The following GRIK1 variants were observed in gnomAD, a reference collection of about 807,000 sequenced individuals.
GRIK1 encodes glutamate ionotropic receptor kainate type subunit 1.
Under a neutral mutation model 105.7 loss-of-function variants are expected in GRIK1, and 69 were observed. The ratio of observed to expected loss-of-function variants is 0.65; its 90% CI spans 0.54 to 0.80. The LOEUF is 0.80. GRIK1 is among the 30% of genes least tolerant of loss of function. The pLI is 0.00. For synonymous variants in GRIK1, 438 were observed against 431.3 expected, an observed-to-expected ratio of 1.02 and a Z score of -0.19; for missense variants, 1,109 against 1,167.3, an observed-to-expected ratio of 0.95 and a Z score of 0.73.
intron 1 of GRIK1, among the ~76,000 whole-genome samples, chr21:29,862,728 T>G (rs748660735): frequency 2.2e-4 from 34 of 152,226 alleles, no homozygotes; most frequent in Non-Finnish European, 4.7e-4. Context: ...ATAGCAAACA[T>G]TCAGTGAAAC....
At chr21:29,827,900 A>G (rs1342520020) in intron 1 of GRIK1, among the ~76,000 whole-genome samples, 1 of 151,584 alleles carries the variant, frequency 6.6e-6, no homozygotes, top group Non-Finnish European at 1.5e-5. Context: ...TATTTAGCTG[A>G]TGGGTCAGTT....
intron 4 of GRIK1, among the ~76,000 whole-genome samples, chr21:29,672,722 G>T (rs2063182244): frequency 6.6e-6 from 1 of 151,936 alleles, no homozygotes; most frequent in African/African-American, 2.4e-5. Context: ...CTCATCTTCA[G>T]CTGGTAGGAG....
intron 1 of GRIK1, among the ~76,000 whole-genome samples, chr21:29,807,322 A>G (rs1173024362): frequency 2.0e-5 from 3 of 151,936 alleles, no homozygotes; most frequent in African/African-American, 7.2e-5. Flanking sequence ...GCAGGTACAC[A>G]TTCTTGGTGG....
At chr21:29,702,502 A>G (rs1202633006) in intron 1 of GRIK1, among the ~76,000 whole-genome samples, 1 of 152,190 alleles carries the variant, frequency 6.6e-6, no homozygotes, top group African/African-American at 2.4e-5. Flanking sequence ...ACTTGAGGTC[A>G]GGAGTTTGAG....
chr21:29,591,249 A>G (rs1279720051), intron 9 of GRIK1, 24 bp from the exon 10 acceptor site: 1 of 1,340,722 alleles, frequency 7.5e-7, no homozygotes, highest in Admixed American at 1.7e-5. Flanking sequence ...AGTACATCAG[A>G]GGCTGCTGGC....
chr21:29,560,515 CCTTCCTTTCTTTCTTTCTTT>C lies in GRIK1; in HGVS notation c.2356+1089_2356+1108del, dbSNP rs1333758203. ...TCTTTCTTTCCTTCCTTCCTTCCTT[CCTTCCTTTCTTTCTTTCTTT>C]CTTTCTTTCTTTCTTTCTTTCTTTC... On this transcript the variant is annotated intron_variant, in intron 15 of 17. Transcript: ENST00000327783. Among the ~76,000 whole-genome samples the C allele has an allele frequency of 1.2e-3, 61 of 50,252 alleles. 1 individual carries two copies. Among genetic ancestry groups the C allele is most frequent in the Admixed American group, 2.9e-3 (12 of 4,082 alleles). 33.0% of individuals were successfully genotyped at this position (50,252 alleles called of 152,430 possible). A position where few individuals can be genotyped will look rare whatever the true frequency, so the allele number is the denominator to read the frequency against.
In GRIK1 at chr21:29,673,091, G is replaced by C. The variant is rs761283929; in HGVS notation, c.618C>G (p.Pro206=). Reference sequence around the variant, plus strand: ...AAGGCTTGGCATCTTTATTCCCAGAGGGCAGCTGGCGGATTTTGATTTTAA... The same window carrying C: ...AAGGCTTGGCATCTTTATTCCCAGACGGCAGCTGGCGGATTTTGATTTTAA... ...YNIKIKIRQL[P]SGNKDAKPLL... is the part of the protein sequence containing the mutation. Residue 206 remains proline, a synonymous_variant, in exon 4 of 18, where the codon CCC becomes CCG. Coordinates refer to ENST00000327783, the MANE Select transcript of GRIK1 (RefSeq NM_001330994.2). 6.2e-7 allele frequency: 1 copy of C among 1,611,950 alleles called. No homozygotes were observed. The highest frequency in any genetic ancestry group is 1.7e-5 in the Admixed American group (1 of 59,988).
intron 1 of GRIK1, among the ~76,000 whole-genome samples, chr21:29,937,532 C>T (rs545152006): frequency 6.6e-6 from 1 of 152,302 alleles, no homozygotes; most frequent in South Asian, 2.1e-4. Flanking sequence ...TAGAAAAATA[C>T]TGAGATCTGT....
intron 1 of GRIK1, among the ~76,000 whole-genome samples, chr21:29,806,398 A>C (rs954514294): frequency 6.6e-6 from 1 of 152,092 alleles, no homozygotes; most frequent in Admixed American, 6.6e-5. Flanking sequence ...ATAAGTTGAC[A>C]GATTCAGAAT....
chr21:29,876,472 T>C (rs757404229), intron 1 of GRIK1, among the ~76,000 whole-genome samples: 3 of 152,208 alleles, frequency 2.0e-5, no homozygotes, highest in Non-Finnish European at 4.4e-5. Flanking sequence ...TACCAGAATC[T>C]ACCCCCTACT....
At chr21:29,671,398 A>T (rs566727565) in intron 4 of GRIK1, among the ~76,000 whole-genome samples, 4 of 147,534 alleles carry the variant, frequency 2.7e-5, no homozygotes, top group Admixed American at 1.3e-4. Context: ...TCCAACTTTA[A>T]ATAGAATTTT....
rs374289247 is a variant in GRIK1, at chr21:29,877,138, T to G, written c.118+62245A>C. On this transcript the variant is annotated intron_variant, in intron 1 of 17. Transcript: ENST00000327783. ...ACAAAGATCAATATTTATTTATGCT[T>G]TTACAATAAAAAGCAGTATTGTCTT... Among the ~76,000 whole-genome samples, 8 of 152,160 alleles carry G rather than the reference T, an allele frequency of 5.3e-5. No individual in the cohort carries two copies. In the East Asian group the frequency reaches 1.2e-3, roughly 22 times the overall value.
chr21:29,567,394 A>G (rs1399477440), intron 14 of GRIK1, among the ~76,000 whole-genome samples: 6 of 152,116 alleles, frequency 3.9e-5, no homozygotes, highest in Non-Finnish European at 7.4e-5. Flanking sequence ...CACAGTTAGG[A>G]TGTATAATCT....
chr21:29,733,075 G>A (rs2064682237), intron 1 of GRIK1, among the ~76,000 whole-genome samples: 1 of 152,098 alleles, frequency 6.6e-6, no homozygotes, highest in Non-Finnish European at 1.5e-5. Context: ...TTTGACTGAG[G>A]GAGATGCTTT....
intron 1 of GRIK1, among the ~76,000 whole-genome samples, chr21:29,783,227 T>A (rs2145788566): frequency 1.3e-5 from 2 of 152,320 alleles, no homozygotes; most frequent in Admixed American, 1.3e-4. Flanking sequence ...TTTGCAAATA[T>A]TTTTCTATTA....
chr21:29,570,461 C>G (rs2090715981), intron 14 of GRIK1, among the ~76,000 whole-genome samples: 1 of 151,026 alleles, frequency 6.6e-6, no homozygotes, highest in South Asian at 2.1e-4. Flanking sequence ...AAGATCGCAC[C>G]ATTGCACTCC....
chr21:29,575,443 C>T (rs2090867415), intron 14 of GRIK1, among the ~76,000 whole-genome samples: 1 of 151,678 alleles, frequency 6.6e-6, no homozygotes, highest in Admixed American at 6.6e-5. Context: ...CCTCCTAAAT[C>T]TATAAACAAT....
At chr21:29,854,117 A>C (rs1449901432) in intron 1 of GRIK1, among the ~76,000 whole-genome samples, 2 of 152,152 alleles carry the variant, frequency 1.3e-5, no homozygotes, top group African/African-American at 4.8e-5. Context: ...AAGAAGCATG[A>C]TGCCTTCTGG....
chr21:29,589,158 GA>G, intron 10 of GRIK1, 116 bp from the exon 11 acceptor site: 1 of 646,834 alleles, frequency 1.5e-6, no homozygotes, highest in Non-Finnish European at 2.7e-6. Context: ...TGAGAGTACT[GA>G]AGTCATTCAC....
Sources: allele counts gnomAD v4.1 joint callset (sites outside exome capture counted in the v4.1 genomes callset), GRCh38; gene constraint gnomAD v4.1.1; transcripts MANE v1.5; gene names NCBI Gene and HGNC (gene_info 2026-07-23, HGNC 2026-07-21).